The following WWOX variants were observed in gnomAD, a reference collection of about 807,000 sequenced individuals.
The protein encoded by WWOX is WW domain-containing oxidoreductase.
WWOX carries 69 observed loss-of-function variants against 46.2 expected under a neutral mutation model. The ratio of observed to expected loss-of-function variants is 1.49; its 90% CI spans 1.23 to 1.82. The LOEUF (loss-of-function observed/expected upper bound fraction) is 1.82. Among genes scored for constraint, WWOX ranks in the 40% most tolerant of loss-of-function variants. The probability of loss-of-function intolerance (pLI) is 0.00; values close to 1 mark genes in which losing one functional copy is unlikely to be tolerated. For synonymous variants in WWOX, 359 were observed against 202.6 expected, an observed-to-expected ratio of 1.77 and a Z score of -6.56; for missense variants, 919 against 542.6, an observed-to-expected ratio of 1.69 and a Z score of -6.89.
intron 8 of WWOX, among the ~76,000 whole-genome samples, chr16:78,592,004 G>T (rs2941931): frequency 0.98 from 148,541 of 152,306 alleles, 72,552 homozygotes; most frequent in Middle Eastern, 1. Flanking sequence ...TATCCAGATT[G>T]ATTATCCCTC....
chr16:78,432,339 C>T (rs950315254), intron 7 of WWOX, 149 bp from the exon 8 acceptor site: 2 of 1,039,478 alleles, frequency 1.9e-6, no homozygotes, highest in Non-Finnish European at 2.8e-6. Flanking sequence ...CTCCCGACCT[C>T]AGGTGATCCA....
intron 5 of WWOX, among the ~76,000 whole-genome samples, chr16:78,314,970 G>A (rs191784406): frequency 4.3e-4 from 65 of 152,156 alleles, no homozygotes; most frequent in African/African-American, 1.5e-3. Flanking sequence ...AATGTCCTTC[G>A]TAAAAGAAGA....
Position 78,849,341 on chromosome 16 carries a change from C to CG in WWOX, c.1057-362260dup, listed in dbSNP as rs562391633. Among the ~76,000 whole-genome samples, 10 of 150,230 alleles carry CG rather than the reference C, an allele frequency of 6.7e-5. No individual in the cohort carries two copies. In the South Asian group the frequency reaches 1.5e-3, roughly 22 times the overall value. ...ATCCCAGCACTTTGGGAGGCCGAGG[C>CG]GGGGGGGATCACGAGGTCGGGAGAT... On this transcript the variant is annotated intron_variant, in intron 8 of 8. Coordinates refer to ENST00000566780, the MANE Select transcript of WWOX (RefSeq NM_016373.4).
intron 8 of WWOX, among the ~76,000 whole-genome samples, chr16:78,746,850 C>G (rs549383357): frequency 1.1e-3 from 161 of 152,254 alleles, no homozygotes; most frequent in Non-Finnish European, 1.9e-3. Context: ...AATATTTGAT[C>G]TTGTGAACCC....
At chr16:78,379,165 AT>A (rs1351355470) in intron 5 of WWOX, among the ~76,000 whole-genome samples, 12 of 152,172 alleles carry the variant, frequency 7.9e-5, no homozygotes, top group African/African-American at 2.7e-4. Flanking sequence ...AGTGCTTATT[AT>A]TTTTGTTGCT....
intron 8 of WWOX, among the ~76,000 whole-genome samples, chr16:79,062,661 T>G (rs2048376291): frequency 6.6e-6 from 1 of 152,046 alleles, no homozygotes; most frequent in African/African-American, 2.4e-5. Context: ...AACCTGAAAA[T>G]AAGAAGTGAC....
chr16:78,648,864 G>C (rs934244814), intron 8 of WWOX, among the ~76,000 whole-genome samples: 1 of 152,084 alleles, frequency 6.6e-6, no homozygotes, highest in African/African-American at 2.4e-5. Flanking sequence ...GTTATTATTT[G>C]GGTTCCCTTT....
At chr16:78,910,197 C>G (rs377757082) in intron 8 of WWOX, among the ~76,000 whole-genome samples, 3 of 152,016 alleles carry the variant, frequency 2.0e-5, no homozygotes, top group African/African-American at 7.2e-5. Flanking sequence ...CTTGCTTTAG[C>G]CAAAGAAGCA....
intron 8 of WWOX, among the ~76,000 whole-genome samples, chr16:78,773,854 G>C (rs1052538885): frequency 3.9e-5 from 6 of 152,280 alleles, no homozygotes; most frequent in Middle Eastern, 3.4e-3. Flanking sequence ...AACGATTATT[G>C]TATTTAACTT....
rs749807821 is a variant in WWOX, at chr16:78,766,674, A to C, written c.1056+333922A>C. ...TTAAGACAAGGAATTCAGTTAATCA[A>C]GTTTGTTAGACTTGTTTGAAAAAAG... On this transcript the variant is annotated intron_variant, in intron 8 of 8. Coordinates refer to ENST00000566780, the MANE Select transcript of WWOX (RefSeq NM_016373.4). Among the ~76,000 whole-genome samples the C allele has an allele frequency of 6.8e-4, 103 of 152,212 alleles. 1 individual carries two copies. Among genetic ancestry groups the C allele is most frequent in the Non-Finnish European group, 1.5e-4 (10 of 68,038 alleles).
chr16:78,652,722 G>T (rs2046994439), intron 8 of WWOX, among the ~76,000 whole-genome samples: 2 of 152,104 alleles, frequency 1.3e-5, no homozygotes, highest in African/African-American at 4.8e-5. Context: ...GTTCTTTTCA[G>T]ATTTAGGTTC....
chr16:78,627,912 C>G (rs1229023003), intron 8 of WWOX, among the ~76,000 whole-genome samples: 1 of 152,210 alleles, frequency 6.6e-6, no homozygotes, highest in Non-Finnish European at 1.5e-5. Context: ...TTGGCCAGAA[C>G]TTGTCTGGAA....
intron 8 of WWOX, among the ~76,000 whole-genome samples, chr16:78,849,518 G>T (rs972700717): frequency 6.8e-6 from 1 of 147,336 alleles, no homozygotes; most frequent in African/African-American, 2.5e-5. Flanking sequence ...AGCTTGCAGT[G>T]AGCGGAGATC....
At chr16:78,321,284 ATATATACG>A (rs1567498940) in intron 5 of WWOX, among the ~76,000 whole-genome samples, 15 of 124,210 alleles carry the variant, frequency 1.2e-4, no homozygotes, top group African/African-American at 3.4e-4. Flanking sequence ...TTAAATATAT[ATATATACG>A]TATATATATA....
At chr16:78,578,684 T>G (rs924619959) in intron 8 of WWOX, among the ~76,000 whole-genome samples, 6 of 152,090 alleles carry the variant, frequency 3.9e-5, no homozygotes, top group Non-Finnish European at 5.9e-5. Context: ...TTGAAATAAA[T>G]TTATTGCCAG....
At chr16:79,072,932 GT>G (rs1357869969) in intron 8 of WWOX, among the ~76,000 whole-genome samples, 28 of 152,214 alleles carry the variant, frequency 1.8e-4, no homozygotes, top group Non-Finnish European at 4.0e-4. Flanking sequence ...AAGTGGAAGT[GT>G]TTTCCCCATT....
At chr16:78,912,136 A>G (rs1313907409) in intron 8 of WWOX, among the ~76,000 whole-genome samples, 1 of 152,000 alleles carries the variant, frequency 6.6e-6, no homozygotes, top group Non-Finnish European at 1.5e-5. Context: ...TCATGTATAA[A>G]GTGGAGATGA....
intron 8 of WWOX, among the ~76,000 whole-genome samples, chr16:78,675,439 GTTAT>G (rs1199686342): frequency 6.6e-6 from 1 of 152,066 alleles, no homozygotes; most frequent in Non-Finnish European, 1.5e-5. Flanking sequence ...TAATTTATTG[GTTAT>G]TTATTTAACA....
chr16:79,034,499 A>C (rs867971329), intron 8 of WWOX, among the ~76,000 whole-genome samples: 2 of 152,150 alleles, frequency 1.3e-5, no homozygotes, highest in South Asian at 4.1e-4. Flanking sequence ...AAGACATGCT[A>C]CTGTCTTTAG....
Sources: allele counts gnomAD v4.1 joint callset (sites outside exome capture counted in the v4.1 genomes callset), GRCh38; gene constraint gnomAD v4.1.1; transcripts MANE v1.5; gene names NCBI Gene and HGNC (gene_info 2026-07-23, HGNC 2026-07-21).